Variants in ZRANB3 observed in about 807,000 individuals in gnomAD.
The protein encoded by ZRANB3 is zinc finger RANBP2-type containing 3, also known as DNA annealing helicase and endonuclease ZRANB3.
In ZRANB3, 125 loss-of-function variants were observed where a neutral mutation model predicts 133.8. The ratio of observed to expected loss-of-function variants is 0.93; its 90% CI spans 0.81 to 1.08. The LOEUF (loss-of-function observed/expected upper bound fraction) is 1.08, where lower values mean the gene tolerates loss of function less well. Ranked by LOEUF, ZRANB3 falls within the 50% of genes least tolerant of loss-of-function variation. The probability of loss-of-function intolerance (pLI) is 0.00; values close to 1 mark genes in which losing one functional copy is unlikely to be tolerated. For missense variants in ZRANB3, 1,229 were observed against 1,275.5 expected (o/e 0.96, Z 0.56); for synonymous variants, 387 against 432.7 (o/e 0.89, Z 1.31).
intron 2 of ZRANB3, among the ~76,000 whole-genome samples, chr2:135,411,631 G>T (rs1004674205): frequency 6.6e-6 from 1 of 152,094 alleles, no homozygotes; most frequent in East Asian, 1.9e-4. Context: ...TGCAACTGGA[G>T]ATCATTATCC....
intron 2 of ZRANB3, among the ~76,000 whole-genome samples, chr2:135,472,053 G>A (rs746018157): frequency 1.2e-4 from 18 of 152,178 alleles, no homozygotes; most frequent in Non-Finnish European, 2.1e-4. Context: ...TTCCCTGAGA[G>A]ACTTGAGAGG....
At chr2:135,348,951 T>A (rs892204210) in intron 5 of ZRANB3, among the ~76,000 whole-genome samples, 10 of 152,184 alleles carry the variant, frequency 6.6e-5, no homozygotes, top group African/African-American at 2.2e-4. Context: ...TGATTTTTTT[T>A]AAGTATATCA....
At chr2:135,313,874 T>C (rs936207581) in intron 7 of ZRANB3, among the ~76,000 whole-genome samples, 1 of 152,100 alleles carries the variant, frequency 6.6e-6, no homozygotes, top group African/African-American at 2.4e-5. Flanking sequence ...AATTTCTTCT[T>C]TTTTTTTGAG....
At chr2:135,327,841 A>G (rs1285322172) in intron 6 of ZRANB3, among the ~76,000 whole-genome samples, 1 of 152,210 alleles carries the variant, frequency 6.6e-6, no homozygotes, top group Non-Finnish European at 1.5e-5. Context: ...ATAATCATAT[A>G]GCCAATAAAA....
At chr2:135,424,705 C>T (rs1688998650) in intron 2 of ZRANB3, among the ~76,000 whole-genome samples, 1 of 152,176 alleles carries the variant, frequency 6.6e-6, no homozygotes. Flanking sequence ...TGCACTCCAG[C>T]CTGGGTGACA....
chr2:135,447,436 A>G (rs1690073078), intron 2 of ZRANB3, among the ~76,000 whole-genome samples: 1 of 152,056 alleles, frequency 6.6e-6, no homozygotes, highest in South Asian at 2.1e-4. Flanking sequence ...GCCATTTTTC[A>G]TTTTATAAAT....
At chr2:135,482,536 T>C (rs1403321266) in intron 2 of ZRANB3, among the ~76,000 whole-genome samples, 2 of 151,436 alleles carry the variant, frequency 1.3e-5, no homozygotes, top group Non-Finnish European at 2.9e-5. Context: ...TGGGGTTTTC[T>C]AGATATACAA....
intron 2 of ZRANB3, among the ~76,000 whole-genome samples, chr2:135,504,010 G>A (rs909537090): frequency 7.9e-5 from 12 of 151,854 alleles, no homozygotes; most frequent in African/African-American, 2.9e-4. Flanking sequence ...AACAAAAAAC[G>A]ATGGAAATAA....
chr2:135,521,672 C>T (rs985531468), intron 1 of ZRANB3, among the ~76,000 whole-genome samples: 2 of 152,038 alleles, frequency 1.3e-5, no homozygotes, highest in South Asian at 2.1e-4. Context: ...CAACACAATG[C>T]GATAAGTGCT....
At chr2:135,300,315 A>T (rs1383996757) in intron 8 of ZRANB3, among the ~76,000 whole-genome samples, 3 of 152,218 alleles carry the variant, frequency 2.0e-5, no homozygotes, top group Non-Finnish European at 4.4e-5. Context: ...CCATCTATTT[A>T]CTTGAAAACT....
intron 2 of ZRANB3, among the ~76,000 whole-genome samples, chr2:135,496,863 G>A (rs1284312558): frequency 3.9e-5 from 6 of 152,068 alleles, no homozygotes; most frequent in Admixed American, 2.0e-4. Flanking sequence ...CCAACTCTTC[G>A]CTTTGTTTAG....
intron 2 of ZRANB3, among the ~76,000 whole-genome samples, chr2:135,474,382 A>G (rs972761629): frequency 2.0e-5 from 3 of 151,978 alleles, no homozygotes; most frequent in African/African-American, 4.8e-5. Flanking sequence ...TCCCCTCGAA[A>G]TTTCTTATTA....
chr2:135,233,172 C>T (rs540068504), intron 12 of ZRANB3, among the ~76,000 whole-genome samples: 15 of 152,254 alleles, frequency 9.9e-5, no homozygotes, highest in South Asian at 6.2e-4. Flanking sequence ...CCGATTTGAT[C>T]AACTGGAAGA....
intron 12 of ZRANB3, among the ~76,000 whole-genome samples, chr2:135,250,633 C>T (rs997962508): frequency 7.9e-5 from 12 of 152,318 alleles, no homozygotes; most frequent in South Asian, 2.1e-4. Context: ...TGAAAGGGGC[C>T]GACGTACAGC....
intron 3 of ZRANB3, among the ~76,000 whole-genome samples, chr2:135,372,438 T>A (rs1055750630): frequency 6.6e-6 from 1 of 152,142 alleles, no homozygotes; most frequent in Non-Finnish European, 1.5e-5. Flanking sequence ...CTACTTTATC[T>A]CCATGCTTAG....
chr2:135,270,558 C>T (rs1680465588), intron 10 of ZRANB3, among the ~76,000 whole-genome samples: 1 of 152,168 alleles, frequency 6.6e-6, no homozygotes, highest in Non-Finnish European at 1.5e-5. Context: ...CTAAGTACTT[C>T]ATTTCTAATT....
chr2:135,252,350 T>TA (rs1341168282), intron 12 of ZRANB3, among the ~76,000 whole-genome samples: 7 of 151,742 alleles, frequency 4.6e-5, no homozygotes, highest in African/African-American at 1.5e-4. Context: ...AAATAAAAGT[T>TA]AAAAAATATA....
rs2105029669 is a variant in ZRANB3 at position 135,200,254 on chromosome 2, C to T, written c.*88G>A. On this transcript the variant is annotated 3_prime_UTR_variant, in exon 21 of 21. Coordinates refer to ENST00000264159, the MANE Select transcript of ZRANB3 (RefSeq NM_032143.4). The stretch of plus-strand genomic sequence containing the variant: ...GATTTTTGTTCTGAAAATTTTTACT[C>T]TCGATATATTAAACAAACATGGAAA... The T allele has an allele frequency of 1.0e-5, 11 of 1,099,112 alleles. No individual in the cohort carries two copies. In the South Asian group the frequency reaches 1.4e-4, roughly 14 times the overall value. The allele number at this position is 1,099,112 out of a possible 1,614,324, so 68.1% of individuals were successfully genotyped here.
chr2:135,225,847 G>A (rs1694740193), intron 14 of ZRANB3, among the ~76,000 whole-genome samples: 1 of 152,200 alleles, frequency 6.6e-6, no homozygotes, highest in Admixed American at 6.5e-5. Context: ...GAATAATGGA[G>A]TGCTTCATGG....
Sources: allele counts gnomAD v4.1 joint callset (sites outside exome capture counted in the v4.1 genomes callset), GRCh38; gene constraint gnomAD v4.1.1; transcripts MANE v1.5; gene names NCBI Gene and HGNC (gene_info 2026-07-23, HGNC 2026-07-21).